MED12L: variants seen among roughly 807,000 people sequenced by gnomAD.
MED12L encodes mediator complex subunit 12L.
A neutral mutation model predicts 281.3 loss-of-function variants in MED12L; 60 were observed. The ratio of observed to expected loss-of-function variants is 0.21; its 90% CI spans 0.17 to 0.26. The LOEUF (loss-of-function observed/expected upper bound fraction) is 0.26. MED12L is among the 10% of genes least tolerant of loss of function. MED12L has a pLI of 1.00. For missense variants in MED12L, 2,146 were observed against 2,680.9 expected (o/e 0.80, Z 4.41); for synonymous variants, 974 against 987.2 (o/e 0.99, Z 0.25).
intron 19 of MED12L, among the ~76,000 whole-genome samples, 155 bp from the exon 20 acceptor site, chr3:151,357,058 A>G (rs1391575642): frequency 7.2e-5 from 11 of 152,236 alleles, no homozygotes; most frequent in Admixed American, 5.9e-4. Flanking sequence ...GAACAACTCT[A>G]TAAATTGGAA....
chr3:151,202,823 A>G (rs1193815970), intron 16 of MED12L, among the ~76,000 whole-genome samples: 1 of 152,204 alleles, frequency 6.6e-6, no homozygotes, highest in Non-Finnish European at 1.5e-5. Flanking sequence ...CATGGCCTCT[A>G]TCCACCCAGT....
intron 16 of MED12L, among the ~76,000 whole-genome samples, chr3:151,332,583 T>C (rs559125464): frequency 2.6e-4 from 39 of 152,342 alleles, no homozygotes; most frequent in African/African-American, 9.1e-4. Flanking sequence ...ACATTTAATA[T>C]TTCACACTAT....
At chr3:151,224,654 A>G (rs1482216071) in intron 16 of MED12L, among the ~76,000 whole-genome samples, 1 of 152,208 alleles carries the variant, frequency 6.6e-6, no homozygotes, top group Admixed American at 6.5e-5. Flanking sequence ...TTCACCCAGA[A>G]GAAGGAATCC....
chr3:151,249,972 G>C lies in MED12L; in HGVS notation c.2250+56306G>C, dbSNP rs577518920. Reference sequence around the variant, plus strand: ...TTCTGTCCTAGAGAGGCATGCTCACGATCAATCATGCCTGTTATCATTATC... The same window carrying C: ...TTCTGTCCTAGAGAGGCATGCTCACCATCAATCATGCCTGTTATCATTATC... On this transcript the variant is annotated intron_variant, in intron 16 of 44. Transcript: ENST00000687756. Among the ~76,000 whole-genome samples, 10 of 152,228 alleles carry C rather than the reference G, an allele frequency of 6.6e-5. No homozygotes were observed. In the South Asian group the frequency reaches 2.1e-3, roughly 32 times the overall value.
chr3:151,194,123 G>A (rs745378223), intron 16 of MED12L, among the ~76,000 whole-genome samples: 14 of 151,770 alleles, frequency 9.2e-5, no homozygotes, highest in African/African-American at 2.2e-4. Context: ...CTGCCACCAC[G>A]CCTGGCTAAT....
chr3:151,337,218 C>G (rs1335676040), intron 16 of MED12L, among the ~76,000 whole-genome samples: 1 of 151,912 alleles, frequency 6.6e-6, no homozygotes, highest in African/African-American at 2.4e-5. Context: ...TCTTTATCTT[C>G]TAAATAAACA....
At chr3:151,231,196 T>C (rs1157617042) in intron 16 of MED12L, among the ~76,000 whole-genome samples, 2 of 152,200 alleles carry the variant, frequency 1.3e-5, no homozygotes, top group Non-Finnish European at 2.9e-5. Context: ...TACAGGAGAA[T>C]GCTGGCTAGT....
intron 16 of MED12L, among the ~76,000 whole-genome samples, chr3:151,268,639 A>ATTTAAATCTAG (rs1740286922): frequency 6.6e-6 from 1 of 152,204 alleles, no homozygotes; most frequent in Non-Finnish European, 1.5e-5. Flanking sequence ...TTAAATCTAG[A>ATTTAAATCTAG]ATGTTACTGA....
intron 16 of MED12L, chr3:151,338,019 A>G: frequency 6.2e-7 from 1 of 1,614,144 alleles, no homozygotes; most frequent in South Asian, 1.1e-5. Flanking sequence ...CACATAGAAC[A>G]GAGTATTTTC....
At chr3:151,339,487 A>G (rs984368129) in intron 16 of MED12L, among the ~76,000 whole-genome samples, 2 of 151,510 alleles carry the variant, frequency 1.3e-5, no homozygotes, top group African/African-American at 2.4e-5. Context: ...TCCTGCCTCT[A>G]TATTGCTCAC....
chr3:151,229,131 A>G (rs532955586), intron 16 of MED12L, among the ~76,000 whole-genome samples: 16 of 152,212 alleles, frequency 1.1e-4, no homozygotes, highest in Non-Finnish European at 2.1e-4. Flanking sequence ...GGAAAAGAAT[A>G]TAAATATCCA....
At chr3:151,126,240 G>T (rs1184499005) in intron 4 of MED12L, among the ~76,000 whole-genome samples, 2 of 151,846 alleles carry the variant, frequency 1.3e-5, no homozygotes, top group Admixed American at 6.6e-5. Flanking sequence ...GTAAGGTTTT[G>T]CCATGCTGCC....
At chr3:151,247,405 C>T (rs945004699) in intron 16 of MED12L, among the ~76,000 whole-genome samples, 133 of 152,116 alleles carry the variant, frequency 8.7e-4, no homozygotes, top group African/African-American at 2.8e-3. Flanking sequence ...AAATGTGGCA[C>T]ATGTACACCA....
rs1713147912 is a variant in MED12L, at chr3:151,385,328, GTACT to G, written c.5088+140_5088+143del. ...TAAGGCATATGCTTGTCTTCTAAGTGTACTTAGTCATTGGCATTATCATATAAAG... is the reference window on the plus strand; with the variant it reads ...TAAGGCATATGCTTGTCTTCTAAGTGTAGTCATTGGCATTATCATATAAAG... On this transcript the variant is annotated intron_variant, in intron 36 of 44. Transcript: ENST00000687756. 4 of 532,578 alleles carry G rather than the reference GTACT, an allele frequency of 7.5e-6. No homozygotes were observed. The South Asian group carries it at 9.6e-5, about 13-fold the overall frequency. The allele number at this position is 532,578 out of a possible 1,614,324, so 33.0% of individuals were successfully genotyped here.
At chr3:151,124,752 T>A (rs1427280407) in intron 4 of MED12L, among the ~76,000 whole-genome samples, 3 of 152,226 alleles carry the variant, frequency 2.0e-5, no homozygotes, top group Non-Finnish European at 4.4e-5. Context: ...CCAAGGCGTT[T>A]ATCCACAGAG....
rs149710021 is a variant in MED12L, at chr3:151,117,312, ACTT to A, written c.204+874_204+876del. Among the ~76,000 whole-genome samples, 364 of 152,126 alleles carry A rather than the reference ACTT, an allele frequency of 2.4e-3. 1 individual carries two copies. The highest frequency in any genetic ancestry group is 8.1e-3 in the African/African-American group (336 of 41,490). ...TAAATGTCCTTGTCATCCTTTGAGC[ACTT>A]CTTTACTTTTGGCACCAAAACATAT... is the stretch of plus-strand genomic sequence containing the variant. On this transcript the variant is annotated intron_variant, in intron 3 of 44. Coordinates refer to ENST00000687756, the MANE Select transcript of MED12L (RefSeq NM_001393769.1).
chr3:151,199,501 G>C, intron 16 of MED12L: 1 of 882,674 alleles, frequency 1.1e-6, no homozygotes, highest in Non-Finnish European at 1.7e-6. Flanking sequence ...TTCTTTAAAA[G>C]ACATTGGTCT....
intron 5 of MED12L, among the ~76,000 whole-genome samples, chr3:151,135,771 A>T (rs982590599): frequency 2.0e-5 from 3 of 152,190 alleles, no homozygotes; most frequent in African/African-American, 7.2e-5. Flanking sequence ...GCAGCATCTG[A>T]GGAGTCAGAA....
chr3:151,243,003 A>AG lies in MED12L; in HGVS notation c.2250+49338dup, dbSNP rs767887578. Among the ~76,000 whole-genome samples, 133 of 152,008 alleles carry AG rather than the reference A, an allele frequency of 8.7e-4. No individual in the cohort carries two copies. In the East Asian group the frequency reaches 0.021, roughly 24 times the overall value. On this transcript the variant is annotated intron_variant, in intron 16 of 44. Coordinates refer to ENST00000687756, the MANE Select transcript of MED12L (RefSeq NM_001393769.1). ...TCAGGAGCCCATGCGATCAACTGGAAGAAAGGGTATCAGCGATGGAAGATG... is the reference window on the plus strand; with the variant it reads ...TCAGGAGCCCATGCGATCAACTGGAAGGAAAGGGTATCAGCGATGGAAGATG...
Sources: gnomAD v4.1 joint callset for allele counts (sites outside exome capture counted in the v4.1 genomes callset) on GRCh38, gnomAD v4.1.1 for gene constraint, MANE v1.5 for transcripts, NCBI Gene and HGNC (gene_info 2026-07-23, HGNC 2026-07-21) for gene names.